PLCE1: variants seen among roughly 807,000 people sequenced by gnomAD.
PLCE1 encodes the protein 1-phosphatidylinositol 4,5-bisphosphate phosphodiesterase epsilon-1.
PLCE1 carries 119 observed loss-of-function variants against 242.8 expected under a neutral mutation model. The observed-to-expected ratio is 0.49, with a 90% CI of 0.42 to 0.57. PLCE1 has a LOEUF of 0.57. Among genes scored for constraint, PLCE1 ranks in the 20% least tolerant of loss-of-function variants. The pLI is 0.00. For missense variants in PLCE1, 2,441 were observed against 2,788.8 expected, an observed-to-expected ratio of 0.88 and a Z score of 2.81; for synonymous variants, 945 against 1,017.4, an observed-to-expected ratio of 0.93 and a Z score of 1.35.
intron 4 of PLCE1, among the ~76,000 whole-genome samples, chr10:94,191,607 T>C (rs1323087124): frequency 6.6e-6 from 1 of 151,926 alleles, no homozygotes; most frequent in Non-Finnish European, 1.5e-5. Context: ...TGCCACTGCA[T>C]TCCAGCCTGG....
At chr10:94,048,282 A>T (rs2043653779) in intron 2 of PLCE1, among the ~76,000 whole-genome samples, 3 of 152,160 alleles carry the variant, frequency 2.0e-5, no homozygotes, top group Non-Finnish European at 4.4e-5. Flanking sequence ...TTTCTCTTGG[A>T]TATATCCCTA....
In PLCE1 at chr10:94,313,395, A is replaced by T; in HGVS notation, c.6132+13A>T. On this transcript the variant is annotated intron_variant, in intron 28 of 32. Transcript: ENST00000371380. ...GCTTCTGCAGCAAGTAAGTCCACTG[A>T]GCCGTGGTTGGGAGAATCCAAAATC... is the stretch of plus-strand genomic sequence containing the variant. The T allele has an allele frequency of 6.2e-7, 1 of 1,614,164 alleles. No individual in the cohort carries two copies. The highest frequency in any genetic ancestry group is 8.5e-7 in the Non-Finnish European group (1 of 1,179,990).
intron 1 of PLCE1, among the ~76,000 whole-genome samples, chr10:94,002,524 T>A (rs928742653): frequency 6.6e-6 from 1 of 152,230 alleles, no homozygotes; most frequent in Non-Finnish European, 1.5e-5. Context: ...TACTCATTTT[T>A]AAAAAAATCT....
At chr10:94,264,938 G>A (rs549851372) in intron 14 of PLCE1, among the ~76,000 whole-genome samples, 1 of 152,274 alleles carries the variant, frequency 6.6e-6, no homozygotes, top group South Asian at 2.1e-4. Context: ...GGCCAGGCTG[G>A]GCAATATAGT....
At chr10:94,022,053 G>A (rs1749113511) in intron 1 of PLCE1, among the ~76,000 whole-genome samples, 1 of 151,914 alleles carries the variant, frequency 6.6e-6, no homozygotes, top group Non-Finnish European at 1.5e-5. Flanking sequence ...AGCCACTAGA[G>A]TAAGGCAAGA....
At position 94,162,668 on chromosome 10, in the gene PLCE1, T is replaced by C. The variant is rs1186718070; in HGVS notation, c.1493-8512T>C. Among the ~76,000 whole-genome samples, 6 of 152,366 alleles carry C rather than the reference T, an allele frequency of 3.9e-5. No individual in the cohort carries two copies. In the East Asian group the frequency reaches 1.2e-3, roughly 29 times the overall value. On this transcript the variant is annotated intron_variant, in intron 3 of 32. Transcript: ENST00000371380. ...GTCTCTATTTCCTTCAGTTCTGCTC[T>C]GATCTTAGCTATTTCTTGCCTTCTG... is the stretch of plus-strand genomic sequence containing the variant.
At chr10:94,019,015 A>C (rs1458266460) in intron 1 of PLCE1, among the ~76,000 whole-genome samples, 1 of 152,202 alleles carries the variant, frequency 6.6e-6, no homozygotes, top group Non-Finnish European at 1.5e-5. Flanking sequence ...ATGACTCTGG[A>C]GAGGTTTTTA....
intron 1 of PLCE1, among the ~76,000 whole-genome samples, chr10:94,018,866 G>A (rs2061327099): frequency 6.6e-6 from 1 of 152,054 alleles, no homozygotes; most frequent in Non-Finnish European, 1.5e-5. Context: ...GATAAGATAA[G>A]GAAAATGATC....
intron 2 of PLCE1, chr10:94,120,639 AGAG>A (rs2046272284): frequency 6.6e-6 from 1 of 152,218 alleles, no homozygotes; most frequent in Non-Finnish European, 1.5e-5. Flanking sequence ...GCTAATAATT[AGAG>A]GAGGATCTCT....
At chr10:94,096,657 A>C (rs1427830717) in intron 2 of PLCE1, 2 of 152,282 alleles carry the variant, frequency 1.3e-5, no homozygotes, top group East Asian at 3.9e-4. Context: ...CAACCAAACC[A>C]TATCACCAAC....
intron 2 of PLCE1, among the ~76,000 whole-genome samples, chr10:94,043,440 C>T (rs2061811439): frequency 6.6e-6 from 1 of 152,146 alleles, no homozygotes; most frequent in African/African-American, 2.4e-5. Flanking sequence ...AATAGAGAAT[C>T]AATTTGTTGG....
intron 2 of PLCE1, among the ~76,000 whole-genome samples, chr10:94,074,361 T>G (rs1378317997): frequency 1.3e-5 from 2 of 151,900 alleles, no homozygotes; most frequent in Non-Finnish European, 2.9e-5. Context: ...ACCTGGCTAA[T>G]TTCTATTTTT....
Position 94,246,054 on chromosome 10 carries a change from G to A in PLCE1, c.2529G>A (p.Thr843=), listed in dbSNP as rs777940871. ...EDSQKAFDHG[T]ELIPWYVLSI... Reference sequence around the variant, plus strand: ...CACAGAAGGCCTTCGACCATGGGACGGAGCTCATCCCTTGGTACGTGCTGT... The same window carrying A: ...CACAGAAGGCCTTCGACCATGGGACAGAGCTCATCCCTTGGTACGTGCTGT... The change falls in exon 8 of 33, where the codon ACG becomes ACA. Residue 843 remains threonine, a synonymous_variant. Coordinates refer to ENST00000371380, the MANE Select transcript of PLCE1 (RefSeq NM_016341.4). 1.4e-5 allele frequency: 22 copies of A among 1,613,978 alleles called. No individual in the cohort carries two copies. Among genetic ancestry groups the A allele is most frequent in the Non-Finnish European group, 1.5e-5 (18 of 1,180,004 alleles).
chr10:94,270,437 C>T, intron 17 of PLCE1, 49 bp from the exon 18 acceptor site: 1 of 1,218,648 alleles, frequency 8.2e-7, no homozygotes, highest in Non-Finnish European at 1.2e-6. Flanking sequence ...TGCCTTCTGA[C>T]CACCTTGACA....
At chr10:94,001,899 C>T (rs1328469960) in intron 1 of PLCE1, among the ~76,000 whole-genome samples, 2 of 152,156 alleles carry the variant, frequency 1.3e-5, no homozygotes, top group African/African-American at 2.4e-5. Flanking sequence ...AAATTGTATT[C>T]CTTTTCCCTC....
Position 94,110,058 on chromosome 10 carries a change from C to CTTTTTTTTTTTTT in PLCE1, c.1207-22106_1207-22094dup, listed in dbSNP as rs33974566. Among the ~76,000 whole-genome samples, 231 of 75,888 alleles carry CTTTTTTTTTTTTT rather than the reference C, an allele frequency of 3.0e-3. 14 individuals carry two copies. Among genetic ancestry groups the CTTTTTTTTTTTTT allele is most frequent in the East Asian group, 5.3e-3 (12 of 2,264 alleles). 49.8% of individuals were successfully genotyped at this position (75,888 alleles called of 152,430 possible). A position where few individuals can be genotyped will look rare whatever the true frequency, so the allele number is the denominator to read the frequency against. On this transcript the variant is annotated intron_variant, in intron 2 of 32. Transcript: ENST00000371380. Reference sequence around the variant, plus strand: ...AGACCCTTTCCTTTTTTTCTTTTTTCTTTTTTTTTTTTTTTTTTTTTTGAG... The same window carrying CTTTTTTTTTTTTT: ...AGACCCTTTCCTTTTTTTCTTTTTTCTTTTTTTTTTTTTTTTTTTTTTTTTTTTTTTTTTTGAG...
rs398046178 is a variant in PLCE1, at chr10:94,093,934, CTTTT to C, written c.1207-38218_1207-38215del. On this transcript the variant is annotated intron_variant, in intron 2 of 32. Transcript: ENST00000371380. ...TCATTCAGTCATTTAATCGGTATTT[CTTTT>C]TTTTTTTTTTTTTTTTTTTTTGAGA... Among the ~76,000 whole-genome samples, 5 of 79,190 alleles carry C rather than the reference CTTTT, an allele frequency of 6.3e-5. No individual in the cohort carries two copies. In the East Asian group the frequency reaches 1.3e-3, roughly 21 times the overall value. The allele number at this position is 79,190 out of a possible 152,430, so 52.0% of individuals were successfully genotyped here. A position where few individuals can be genotyped will look rare whatever the true frequency, so the allele number is the denominator to read the frequency against.
At chr10:94,103,550 G>C (rs1027166603) in intron 2 of PLCE1, among the ~76,000 whole-genome samples, 2 of 152,156 alleles carry the variant, frequency 1.3e-5, no homozygotes, top group African/African-American at 2.4e-5. Flanking sequence ...TTCAGTAATT[G>C]AGGCTCAAGA....
At chr10:94,242,416 T>A (rs1211973638) in intron 7 of PLCE1, among the ~76,000 whole-genome samples, 1 of 152,110 alleles carries the variant, frequency 6.6e-6, no homozygotes, top group Non-Finnish European at 1.5e-5. Context: ...GTTCAAGCAA[T>A]TCTTGTGACT....
Sources: allele counts gnomAD v4.1 joint callset (sites outside exome capture counted in the v4.1 genomes callset), GRCh38; gene constraint gnomAD v4.1.1; transcripts MANE v1.5; gene names NCBI Gene and HGNC (gene_info 2026-07-23, HGNC 2026-07-21).